Variants in GMDS observed in about 807,000 individuals in gnomAD.
The protein encoded by GMDS is GDP-mannose 4,6-dehydratase.
GMDS carries 20 observed loss-of-function variants against 49.9 expected under a neutral mutation model. The ratio of observed to expected loss-of-function variants is 0.40; its 90% confidence interval spans 0.28 to 0.58. The LOEUF is 0.58. Among genes scored for constraint, GMDS ranks in the 20% least tolerant of loss-of-function variants. The pLI, the probability that GMDS is intolerant of heterozygous loss-of-function variation, is 0.42. For missense variants in GMDS, 362 were observed against 481.4 expected (o/e 0.75, Z 2.32); for synonymous variants, 177 against 178.6 (o/e 0.99, Z 0.07).
intron 1 of GMDS, among the ~76,000 whole-genome samples, chr6:2,223,099 AAATC>A (rs150773580): frequency 0.029 from 4,443 of 151,260 alleles, 158 homozygotes; most frequent in African/African-American, 0.082. Flanking sequence ...CAATTCCTTC[AAATC>A]AATCAATCAA....
intron 4 of GMDS, among the ~76,000 whole-genome samples, chr6:2,009,019 AT>A (rs1290942799): frequency 6.6e-6 from 1 of 152,226 alleles, no homozygotes; most frequent in Non-Finnish European, 1.5e-5. Flanking sequence ...AGTATTTTAT[AT>A]TCAGCATTTC....
chr6:2,061,718 C>CAAAAA (rs68037512), intron 4 of GMDS, among the ~76,000 whole-genome samples: 6 of 57,090 alleles, frequency 1.1e-4, no homozygotes, highest in Non-Finnish European at 9.3e-5. Context: ...GACTCTGTCT[C>CAAAAA]AAAAAAAAAA....
chr6:1,804,116 T>C (rs1242549278), intron 7 of GMDS, among the ~76,000 whole-genome samples: 2 of 152,224 alleles, frequency 1.3e-5, no homozygotes, highest in Non-Finnish European at 2.9e-5. Flanking sequence ...ACTTTAACCA[T>C]TAATTTGTCG....
At chr6:2,173,303 T>G (rs1040264595) in intron 1 of GMDS, among the ~76,000 whole-genome samples, 1 of 152,234 alleles carries the variant, frequency 6.6e-6, no homozygotes, top group Non-Finnish European at 1.5e-5. Context: ...AATGTTTTCA[T>G]CTACAGTAAG....
chr6:1,821,611 G>GTTTTTTTTTTTT (rs3039703), intron 7 of GMDS, among the ~76,000 whole-genome samples: 18 of 109,838 alleles, frequency 1.6e-4, no homozygotes, highest in African/African-American at 6.1e-4. Flanking sequence ...CAATTTATTT[G>GTTTTTTTTTTTT]TTTTTTTTTT....
intron 7 of GMDS, among the ~76,000 whole-genome samples, chr6:1,802,326 G>C (rs1769983987): frequency 6.6e-6 from 1 of 152,154 alleles, no homozygotes; most frequent in Non-Finnish European, 1.5e-5. Context: ...TGAAGGACAA[G>C]ACAGCAATCT....
At chr6:1,868,781 C>G (rs1431498705) in intron 7 of GMDS, among the ~76,000 whole-genome samples, 1 of 152,162 alleles carries the variant, frequency 6.6e-6, no homozygotes, top group Non-Finnish European at 1.5e-5. Flanking sequence ...GTTGTGAATT[C>G]AGAGGCTCAA....
chr6:1,859,927 A>T (rs547181941), intron 7 of GMDS, among the ~76,000 whole-genome samples: 3 of 152,356 alleles, frequency 2.0e-5, no homozygotes, highest in South Asian at 4.1e-4. Context: ...TAAAAATTTT[A>T]AAAAATTAGA....
chr6:1,628,269 A>G (rs1405288813), intron 9 of GMDS, among the ~76,000 whole-genome samples: 1 of 152,238 alleles, frequency 6.6e-6, no homozygotes, highest in Admixed American at 6.5e-5. Flanking sequence ...GAGAGACCAT[A>G]GTGTGCCATT....
intron 9 of GMDS, among the ~76,000 whole-genome samples, chr6:1,684,874 A>C (rs1764918518): frequency 6.6e-6 from 1 of 152,182 alleles, no homozygotes; most frequent in African/African-American, 2.4e-5. Context: ...AAATATACAC[A>C]GTAAATTATT....
intron 4 of GMDS, among the ~76,000 whole-genome samples, chr6:2,098,792 A>G (rs1773757889): frequency 6.6e-6 from 1 of 152,174 alleles, no homozygotes; most frequent in African/African-American, 2.4e-5. Flanking sequence ...GCTTTAAAAT[A>G]ATTGAATCTA....
chr6:1,624,016 C>G lies in GMDS; in HGVS notation c.*153G>C. ...CCGGCTGCTACAAACCTCGGCGGGG[C>G]GGCCCCGCTCTTGCGGCCGGGACAG... On this transcript the variant is annotated 3_prime_UTR_variant, in exon 11 of 11. Transcript: ENST00000380815. 3.1e-6 allele frequency: 2 copies of G among 638,124 alleles called. No individual in the cohort carries two copies. The highest frequency in any genetic ancestry group is 3.9e-5 in the South Asian group (2 of 51,288). 39.5% of individuals were successfully genotyped at this position (638,124 alleles called of 1,614,324 possible). A position where few individuals can be genotyped will look rare whatever the true frequency, so the allele number is the denominator to read the frequency against.
At chr6:1,642,073 G>A (rs1048470448) in intron 9 of GMDS, among the ~76,000 whole-genome samples, 4 of 150,502 alleles carry the variant, frequency 2.7e-5, no homozygotes, top group Admixed American at 2.0e-4. Context: ...TCCTGTCCTC[G>A]CTCACTTGGA....
intron 7 of GMDS, among the ~76,000 whole-genome samples, chr6:1,812,077 C>G (rs1216142831): frequency 1.3e-5 from 2 of 152,190 alleles, no homozygotes; most frequent in Admixed American, 1.3e-4. Context: ...AAATACAGAT[C>G]TGCACTAGTG....
intron 1 of GMDS, among the ~76,000 whole-genome samples, chr6:2,213,587 A>AG (rs1320959067): frequency 6.6e-6 from 1 of 152,236 alleles, no homozygotes; most frequent in Non-Finnish European, 1.5e-5. Context: ...GAGTAAAAAA[A>AG]TAAAACAAGG....
At chr6:1,691,279 T>C (rs1383735911) in intron 9 of GMDS, among the ~76,000 whole-genome samples, 1 of 151,702 alleles carries the variant, frequency 6.6e-6, no homozygotes, top group Non-Finnish European at 1.5e-5. Flanking sequence ...AAACACCACA[T>C]GTTCTCACTC....
At chr6:1,727,250 G>A (rs1766627203) in intron 8 of GMDS, among the ~76,000 whole-genome samples, 1 of 152,152 alleles carries the variant, frequency 6.6e-6, no homozygotes, top group Admixed American at 6.5e-5. Context: ...CCAGGAGCGA[G>A]TCCTCAAGTC....
chr6:2,126,735 G>A (rs142492035), intron 1 of GMDS, among the ~76,000 whole-genome samples: 2,336 of 152,254 alleles, frequency 0.015, 14 homozygotes, highest in Middle Eastern at 0.051. Flanking sequence ...CCGGGTTCAA[G>A]CGATTCTCGT....
At chr6:1,665,198 T>A (rs1764201084) in intron 9 of GMDS, among the ~76,000 whole-genome samples, 2 of 152,232 alleles carry the variant, frequency 1.3e-5, no homozygotes, top group South Asian at 4.1e-4. Flanking sequence ...GCTGCACCCA[T>A]TAACTCGTCA....
Sources: allele counts gnomAD v4.1 joint callset (sites outside exome capture counted in the v4.1 genomes callset), GRCh38; gene constraint gnomAD v4.1.1; transcripts MANE v1.5; gene names NCBI Gene and HGNC (gene_info 2026-07-23, HGNC 2026-07-21).